The following JARID2 variants were observed in gnomAD, a reference collection of about 807,000 sequenced individuals.
JARID2 encodes the protein jumonji and AT-rich interaction domain containing 2.
Under a neutral mutation model 125.6 loss-of-function variants are expected in JARID2, and 21 were observed. The ratio of observed to expected loss-of-function variants is 0.17; its 90% CI spans 0.12 to 0.24. The LOEUF is 0.24. JARID2 is among the 10% of genes least tolerant of loss of function. The pLI is 1.00. For synonymous variants in JARID2, 736 were observed against 661.6 expected, an observed-to-expected ratio of 1.11 and a Z score of -1.73; for missense variants, 1,303 against 1,639.6, an observed-to-expected ratio of 0.79 and a Z score of 3.55.
intron 1 of JARID2, among the ~76,000 whole-genome samples, chr6:15,327,671 A>G (rs1207960266): frequency 1.3e-5 from 2 of 152,134 alleles, no homozygotes; most frequent in Non-Finnish European, 2.9e-5. Context: ...AAGCCTTGGA[A>G]AGAAGGGCAC....
At chr6:15,423,305 C>T (rs1445566056) in intron 3 of JARID2, among the ~76,000 whole-genome samples, 1 of 152,070 alleles carries the variant, frequency 6.6e-6, no homozygotes, top group Non-Finnish European at 1.5e-5. Flanking sequence ...GCCTGCATCC[C>T]AGTCATCTGT....
At chr6:15,293,234 TC>T (rs1761290506) in intron 1 of JARID2, among the ~76,000 whole-genome samples, 1 of 152,178 alleles carries the variant, frequency 6.6e-6, no homozygotes, top group African/African-American at 2.4e-5. Context: ...TACAGTATGG[TC>T]AGTGAACTGA....
chr6:15,471,672 A>G (rs949780454), intron 5 of JARID2, among the ~76,000 whole-genome samples: 3 of 152,220 alleles, frequency 2.0e-5, no homozygotes, highest in Non-Finnish European at 4.4e-5. Context: ...TTGGATTCAC[A>G]TGCTGATTTT....
intron 1 of JARID2, among the ~76,000 whole-genome samples, chr6:15,302,276 C>T (rs992353038): frequency 2.6e-5 from 4 of 152,024 alleles, no homozygotes; most frequent in East Asian, 3.9e-4. Context: ...ATTAGTTGGG[C>T]GTGGTGGCGT....
chr6:15,333,557 A>T (rs543039041), intron 1 of JARID2, among the ~76,000 whole-genome samples: 62 of 152,326 alleles, frequency 4.1e-4, no homozygotes, highest in African/African-American at 1.5e-3. Context: ...AGTTCTTAGA[A>T]TGGTGGTTAA....
chr6:15,485,704 CAAAG>C (rs376405351), intron 5 of JARID2, among the ~76,000 whole-genome samples: 7 of 152,060 alleles, frequency 4.6e-5, no homozygotes, highest in South Asian at 2.1e-4. Flanking sequence ...AAGCAAGAAA[CAAAG>C]AAATTTGTTA....
Position 15,396,918 on chromosome 6 carries a change from A to G in JARID2, c.182-13306A>G, listed in dbSNP as rs78266225. Among the ~76,000 whole-genome samples, 693 of 152,204 alleles carry G rather than the reference A, an allele frequency of 4.6e-3. 12 individuals are homozygous for G. The highest frequency in any genetic ancestry group is 0.016 in the African/African-American group (660 of 41,528). On this transcript the variant is annotated intron_variant, in intron 2 of 17. Coordinates refer to ENST00000341776, the MANE Select transcript of JARID2 (RefSeq NM_004973.4). ...ATCACCCAGTCCGGGTCACCCTACTATGTTCTTGTAATTATTGGTATTATT... is the reference window on the plus strand; with the variant it reads ...ATCACCCAGTCCGGGTCACCCTACTGTGTTCTTGTAATTATTGGTATTATT...
chr6:15,504,000 A>G (rs1320923073), intron 8 of JARID2, among the ~76,000 whole-genome samples: 1 of 152,266 alleles, frequency 6.6e-6, no homozygotes, highest in Non-Finnish European at 1.5e-5. Flanking sequence ...CTGCCCTGGC[A>G]GGTGTTAATA....
chr6:15,422,386 C>T (rs973276417), intron 3 of JARID2, among the ~76,000 whole-genome samples: 2 of 152,166 alleles, frequency 1.3e-5, no homozygotes, highest in Non-Finnish European at 2.9e-5. Context: ...TTGTATTTCA[C>T]GCACTGTGCC....
intron 7 of JARID2, among the ~76,000 whole-genome samples, chr6:15,499,291 G>A (rs1219650220): frequency 1.3e-5 from 2 of 152,140 alleles, no homozygotes; most frequent in Non-Finnish European, 2.9e-5. Flanking sequence ...CACTTCCACC[G>A]CAGGTCCCAG....
At chr6:15,376,563 A>G (rs1305738412) in intron 2 of JARID2, among the ~76,000 whole-genome samples, 2 of 152,050 alleles carry the variant, frequency 1.3e-5, no homozygotes, top group African/African-American at 4.8e-5. Flanking sequence ...AAATAATAGT[A>G]ATAATAATAA....
chr6:15,269,428 A>T (rs1760211804), intron 1 of JARID2, among the ~76,000 whole-genome samples: 1 of 151,904 alleles, frequency 6.6e-6, no homozygotes, highest in Admixed American at 6.6e-5. Flanking sequence ...GTGTGATCAC[A>T]GCTTATTACT....
intron 1 of JARID2, among the ~76,000 whole-genome samples, chr6:15,348,403 A>G (rs1763316357): frequency 6.6e-6 from 1 of 152,018 alleles, no homozygotes; most frequent in African/African-American, 2.4e-5. Flanking sequence ...TATTTCTTTT[A>G]ATTCTATTTT....
At chr6:15,469,632 T>G (rs1422237777) in intron 5 of JARID2, among the ~76,000 whole-genome samples, 1 of 150,838 alleles carries the variant, frequency 6.6e-6, no homozygotes, top group East Asian at 2.0e-4. Flanking sequence ...GGTTTTTCAA[T>G]AGAGAAGTGA....
chr6:15,488,636 T>C (rs553164115), intron 6 of JARID2, among the ~76,000 whole-genome samples: 2 of 152,306 alleles, frequency 1.3e-5, no homozygotes, highest in African/African-American at 4.8e-5. Context: ...TTCTCATTCT[T>C]GGTGACGTTG....
Position 15,320,476 on chromosome 6 carries a change from T to C in JARID2, c.46-53641T>C, listed in dbSNP as rs189331698. ...GATTGGTAGCTTTGGGGGATTTAAGTGGGTTGAAGTAGAAGGTGAAATGAT... is the reference window on the plus strand; with the variant it reads ...GATTGGTAGCTTTGGGGGATTTAAGCGGGTTGAAGTAGAAGGTGAAATGAT... On this transcript the variant is annotated intron_variant, in intron 1 of 17. Transcript: ENST00000341776. Among the ~76,000 whole-genome samples the C allele has an allele frequency of 6.9e-4, 105 of 152,270 alleles. 1 individual carries two copies. Among genetic ancestry groups the C allele is most frequent in the Admixed American group, 3.9e-3 (59 of 15,286 alleles).
chr6:15,490,964 A>G (rs1221510027), intron 6 of JARID2, among the ~76,000 whole-genome samples: 1 of 152,164 alleles, frequency 6.6e-6, no homozygotes, highest in African/African-American at 2.4e-5. Flanking sequence ...GGCTAATCCC[A>G]CTGGTTTTGC....
At position 15,497,030 on chromosome 6, in the gene JARID2, A is replaced by G; in HGVS notation, c.1805A>G (p.Asn602Ser). The G allele has an allele frequency of 6.2e-7, 1 of 1,613,352 alleles. No individual in the cohort carries two copies. The highest frequency in any genetic ancestry group is 2.2e-5 in the East Asian group (1 of 44,842). ...GACTGGCGGCCCGAGTGCAAGCTCA[A>G]CGATGAGATGCGGTTTGTCACGCAG... ...PPDWRPECKL[N>S]DEMRFVTQIQ... Residue 602 changes from asparagine (N) to serine (S), a missense_variant, in exon 7 of 18, where the codon AAC becomes AGC. By Grantham distance (46) the Asn-to-Ser change is conservative (BLOSUM62 1). This residue lies in a region of JARID2 where 64 missense variants were observed against 166.8 expected (regional missense o/e 0.38). Coordinates refer to ENST00000341776, the MANE Select transcript of JARID2 (RefSeq NM_004973.4).
chr6:15,315,463 C>T (rs1762147644), intron 1 of JARID2, among the ~76,000 whole-genome samples: 1 of 152,208 alleles, frequency 6.6e-6, no homozygotes, highest in African/African-American at 2.4e-5. Flanking sequence ...TAGCTTTGAT[C>T]TTTACTGTGG....
Sources: allele counts gnomAD v4.1 joint callset (sites outside exome capture counted in the v4.1 genomes callset), GRCh38; gene constraint gnomAD v4.1.1; regional missense constraint gnomAD v4.1.1; transcripts MANE v1.5; gene names NCBI Gene and HGNC (gene_info 2026-07-23, HGNC 2026-07-21).